The following DEPDC4 variants were observed in gnomAD, a reference collection of about 807,000 sequenced individuals.
DEPDC4 encodes DEP domain-containing protein 4.
A neutral mutation model predicts 52.0 loss-of-function variants in DEPDC4; 52 were observed. The observed-to-expected ratio is 1.00, with a 90% CI of 0.80 to 1.26. DEPDC4 has a LOEUF of 1.26. DEPDC4 is among the 50% of genes most tolerant of loss of function. The pLI, the probability that DEPDC4 is intolerant of heterozygous loss-of-function variation, is 0.00. For missense variants in DEPDC4, 530 were observed against 546.9 expected (o/e 0.97, Z 0.31); for synonymous variants, 201 against 196.8 (o/e 1.02, Z -0.18).
At chr12:100,281,571 C>T in the DEPDC4 span, among the ~76,000 whole-genome samples, 329 of 152,202 alleles carry the variant, frequency 2.2e-3, 5 homozygotes, top group East Asian at 0.036. Context: ...CTTTGGCTCA[C>T]GCCTGTAATC....
downstream of DEPDC4, among the ~76,000 whole-genome samples, chr12:100,236,828 G>A (rs2096142077): frequency 6.6e-6 from 1 of 152,130 alleles, no homozygotes; most frequent in Admixed American, 6.5e-5. Context: ...TTAGATTTAA[G>A]TCCTTGATCC....
At chr12:100,261,098 T>C (rs2096252083) in intron 3 of DEPDC4, among the ~76,000 whole-genome samples, 1 of 151,736 alleles carries the variant, frequency 6.6e-6, no homozygotes. Context: ...GGAGAATCAC[T>C]TGAACCTGGG....
At chr12:100,243,912 T>TA (rs2096171296) in intron 8 of DEPDC4, among the ~76,000 whole-genome samples, 1 of 151,914 alleles carries the variant, frequency 6.6e-6, no homozygotes, top group Admixed American at 6.6e-5. Flanking sequence ...CCCTCCATCC[T>TA]AAAATGTTAT....
chr12:100,266,875 C>A, intron 1 of DEPDC4, 45 bp downstream of exon 1: 1 of 1,586,370 alleles, frequency 6.3e-7, no homozygotes, highest in Non-Finnish European at 8.6e-7. Flanking sequence ...CTTCAGCTGC[C>A]CCCTCCACCT....
chr12:100,262,136 CAAGGGGTATGTGGGA>C, intron 3 of DEPDC4, 113 bp downstream of exon 3: 1 of 848,848 alleles, frequency 1.2e-6, no homozygotes, highest in South Asian at 1.9e-5. Context: ...TGAGTGGAAG[CAAGGGGTATGTGGGA>C]ACTGTACTTT....
chr12:100,270,211 C>T (rs2096286106), upstream of DEPDC4, among the ~76,000 whole-genome samples: 1 of 152,144 alleles, frequency 6.6e-6, no homozygotes, highest in African/African-American at 2.4e-5. Context: ...GGGTCTCGAT[C>T]TCCTGACCCT....
chr12:100,253,796 A>C, intron 4 of DEPDC4, 81 bp from the exon 5 acceptor site: 1 of 777,586 alleles, frequency 1.3e-6, no homozygotes, highest in Non-Finnish European at 1.8e-6. Context: ...AAACATGAAA[A>C]AATCTGGCTT....
chr12:100,280,096 T>A, the DEPDC4 span, among the ~76,000 whole-genome samples: 2 of 152,212 alleles, frequency 1.3e-5, no homozygotes, highest in African/African-American at 4.8e-5. Context: ...TTCTCTTTCT[T>A]ACTGGGGTCA....
chr12:100,236,151 A>G (rs529468271), downstream of DEPDC4, among the ~76,000 whole-genome samples: 51 of 152,036 alleles, frequency 3.4e-4, no homozygotes, highest in African/African-American at 1.2e-3. Flanking sequence ...TGCTATAAAC[A>G]TGTGTGAGCA....
At chr12:100,252,653 T>A (rs1206526371) in intron 5 of DEPDC4, 117 bp from the exon 6 acceptor site, 21 of 1,004,672 alleles carry the variant, frequency 2.1e-5, no homozygotes, top group Non-Finnish European at 2.9e-5. Context: ...CAGGTTCTTT[T>A]CTACAATTAA....
downstream of DEPDC4, chr12:100,238,006 TA>T: frequency 1.1e-6 from 1 of 939,066 alleles, no homozygotes; most frequent in Non-Finnish European, 1.3e-6. Flanking sequence ...ACTTTCCAAA[TA>T]AGGAGACTTC....
upstream of DEPDC4, among the ~76,000 whole-genome samples, chr12:100,270,798 T>A (rs923140602): frequency 6.6e-6 from 1 of 152,076 alleles, no homozygotes; most frequent in African/African-American, 2.4e-5. Flanking sequence ...TTAAATCTTA[T>A]TGTACAGTGG....
the DEPDC4 span, among the ~76,000 whole-genome samples, chr12:100,277,171 T>G: frequency 1.7e-4 from 26 of 152,314 alleles, no homozygotes; most frequent in African/African-American, 5.5e-4. Flanking sequence ...TATAGTTCAT[T>G]TTAGTGAATG....
chr12:100,263,675 C>T lies in DEPDC4; in HGVS notation c.376G>A (p.Val126Ile). The change falls in exon 2 of 10, where the codon GTT becomes ATT. Residue 126 changes from valine to isoleucine, a missense_variant. Val to Ile is a conservative substitution (Grantham distance 29, BLOSUM62 3). Coordinates refer to ENST00000550587, the MANE Select transcript of DEPDC4 (RefSeq NM_001364818.2). ...SCLKGVHLCQ[V>I]LMNHKVFEPV... ...TCAAATACTTTGTGATTCATTAGAA[C>T]TTGGCAAAGATGAACCCCTTTAAGA... 6.2e-7 allele frequency: 1 copy of T among 1,614,018 alleles called. No homozygotes were observed. Among genetic ancestry groups the T allele is most frequent in the Non-Finnish European group, 8.5e-7 (1 of 1,179,996 alleles).
chr12:100,281,037 T>G, the DEPDC4 span, among the ~76,000 whole-genome samples: 1 of 137,514 alleles, frequency 7.3e-6, no homozygotes, highest in Non-Finnish European at 1.6e-5. Flanking sequence ...TTTTTTTTTT[T>G]TTTTTTTTTT....
chr12:100,240,775 G>A lies in DEPDC4; in HGVS notation c.*1117C>T, dbSNP rs555181097. 2.6e-5 allele frequency among the ~76,000 whole-genome samples: 4 copies of A among 152,232 alleles called. No homozygotes were observed. In the East Asian group the frequency reaches 5.8e-4, roughly 22 times the overall value. On this transcript the variant is annotated 3_prime_UTR_variant, in exon 10 of 10. Transcript: ENST00000550587. The stretch of plus-strand genomic sequence containing the variant: ...CCTTTTAAATCTACTTCATGTGGCC[G>A]GGTGTGGTGGCTCACGCCTGTAATC...
At chr12:100,248,677 GAGAC>G (rs998201016) in intron 8 of DEPDC4, among the ~76,000 whole-genome samples, 8 of 152,294 alleles carry the variant, frequency 5.3e-5, no homozygotes, top group African/African-American at 1.9e-4. Context: ...GCAGCAGTGA[GAGAC>G]AGAAGGTTCC....
chr12:100,232,489 T>C (rs1484926618), intron 9 of DEPDC4, among the ~76,000 whole-genome samples: 4 of 152,096 alleles, frequency 2.6e-5, no homozygotes, highest in Admixed American at 6.6e-5. Context: ...AGTTTCAAGC[T>C]CCATCTCAGT....
chr12:100,253,041 C>A (rs901216629), intron 5 of DEPDC4, among the ~76,000 whole-genome samples: 2 of 152,058 alleles, frequency 1.3e-5, no homozygotes, highest in African/African-American at 4.8e-5. Context: ...CTCAGCCTCC[C>A]GAGTAGCTGG....
Sources: gnomAD v4.1 joint callset for allele counts (sites outside exome capture counted in the v4.1 genomes callset) on GRCh38, gnomAD v4.1.1 for gene constraint, MANE v1.5 for transcripts, NCBI Gene and HGNC (gene_info 2026-07-23, HGNC 2026-07-21) for gene names.